The following CCDC85A variants were observed in gnomAD, a reference collection of about 807,000 sequenced individuals.
CCDC85A encodes coiled-coil domain-containing protein 85A.
A neutral mutation model predicts 50.2 loss-of-function variants in CCDC85A; 38 were observed. The ratio of observed to expected loss-of-function variants is 0.76; its 90% CI spans 0.58 to 0.99. The LOEUF is 0.99. CCDC85A is among the 50% of genes least tolerant of loss of function. CCDC85A has a pLI of 0.00. For missense variants in CCDC85A, 820 were observed against 742.0 expected, an observed-to-expected ratio of 1.11 and a Z score of -1.22; for synonymous variants, 366 against 301.4, an observed-to-expected ratio of 1.21 and a Z score of -2.22.
chr2:56,220,686 A>G (rs777460668), intron 2 of CCDC85A, among the ~76,000 whole-genome samples: 1 of 152,074 alleles, frequency 6.6e-6, no homozygotes, highest in Non-Finnish European at 1.5e-5. Context: ...AAGATCAGAC[A>G]TCAGAAATGT....
intron 3 of CCDC85A, among the ~76,000 whole-genome samples, chr2:56,366,380 G>A (rs561090157): frequency 2.0e-5 from 3 of 152,244 alleles, no homozygotes; most frequent in East Asian, 1.9e-4. Flanking sequence ...CCAGCAGTGT[G>A]CAAGGGTTCC....
intron 2 of CCDC85A, among the ~76,000 whole-genome samples, chr2:56,306,236 T>C (rs1286772504): frequency 6.6e-6 from 1 of 152,100 alleles, no homozygotes; most frequent in Admixed American, 6.6e-5. Context: ...TTCAAGCGAT[T>C]CTCCTGCCTC....
chr2:56,205,751 A>G (rs1676934238), intron 2 of CCDC85A, among the ~76,000 whole-genome samples: 2 of 152,200 alleles, frequency 1.3e-5, no homozygotes, highest in Non-Finnish European at 2.9e-5. Context: ...TTTATTCAAC[A>G]AATATTTATT....
At chr2:56,207,790 G>C (rs912381177) in intron 2 of CCDC85A, among the ~76,000 whole-genome samples, 2 of 152,092 alleles carry the variant, frequency 1.3e-5, no homozygotes, top group African/African-American at 2.4e-5. Context: ...AGCTTTTGCT[G>C]TTTTCTACTT....
intron 2 of CCDC85A, among the ~76,000 whole-genome samples, chr2:56,245,013 G>A (rs1669436929): frequency 1.3e-5 from 2 of 152,060 alleles, no homozygotes; most frequent in South Asian, 4.1e-4. Context: ...TTTTGGAGCT[G>A]CAAGCTGTGC....
intron 2 of CCDC85A, among the ~76,000 whole-genome samples, chr2:56,327,948 T>C (rs1673562355): frequency 6.6e-6 from 1 of 152,114 alleles, no homozygotes; most frequent in Admixed American, 6.5e-5. Context: ...CTTTTCATTA[T>C]TAATTCACTT....
intron 3 of CCDC85A, among the ~76,000 whole-genome samples, chr2:56,345,760 T>C (rs1276815820): frequency 6.6e-6 from 1 of 152,234 alleles, no homozygotes; most frequent in African/African-American, 2.4e-5. Flanking sequence ...TACTCTTAGA[T>C]GTTACTGATA....
At chr2:56,358,918 G>A (rs75992859) in intron 3 of CCDC85A, among the ~76,000 whole-genome samples, 1 of 150,748 alleles carries the variant, frequency 6.6e-6, no homozygotes, top group East Asian at 1.9e-4. Flanking sequence ...CCATGTAGCT[G>A]GGATTACAGG....
intron 2 of CCDC85A, among the ~76,000 whole-genome samples, chr2:56,258,089 T>C (rs1008908417): frequency 1.3e-5 from 2 of 152,138 alleles, no homozygotes; most frequent in African/African-American, 2.4e-5. Flanking sequence ...GTACATGATA[T>C]TGAAGGAGTG....
chr2:56,246,491 A>G (rs1669516621), intron 2 of CCDC85A, among the ~76,000 whole-genome samples: 1 of 151,600 alleles, frequency 6.6e-6, no homozygotes, highest in Admixed American at 6.6e-5. Flanking sequence ...TAAAAGTTTT[A>G]TAGTTTTACC....
intron 3 of CCDC85A, among the ~76,000 whole-genome samples, chr2:56,349,704 A>G (rs1674811729): frequency 6.6e-6 from 1 of 152,226 alleles, no homozygotes; most frequent in Non-Finnish European, 1.5e-5. Context: ...CTGATTAAAC[A>G]TATTAGTAGA....
intron 2 of CCDC85A, among the ~76,000 whole-genome samples, chr2:56,307,101 T>A (rs1003259186): frequency 1.4e-4 from 22 of 152,310 alleles, no homozygotes; most frequent in Admixed American, 3.9e-4. Flanking sequence ...TCTAGGGGAT[T>A]ATCTTTATAA....
At chr2:56,266,882 A>T (rs1170369454) in intron 2 of CCDC85A, among the ~76,000 whole-genome samples, 1 of 152,196 alleles carries the variant, frequency 6.6e-6, no homozygotes, top group East Asian at 1.9e-4. Flanking sequence ...GCAGTAAATT[A>T]AGGCTGAAAC....
intron 2 of CCDC85A, among the ~76,000 whole-genome samples, chr2:56,204,022 A>G (rs915608019): frequency 6.6e-6 from 1 of 152,184 alleles, no homozygotes; most frequent in African/African-American, 2.4e-5. Flanking sequence ...CTCTGTGGGC[A>G]AAATAATTTA....
chr2:56,285,724 A>C (rs1202413270), intron 2 of CCDC85A, among the ~76,000 whole-genome samples: 1 of 151,642 alleles, frequency 6.6e-6, no homozygotes, highest in African/African-American at 2.4e-5. Flanking sequence ...TGCATTATGA[A>C]CCCTATACTA....
chr2:56,302,344 A>T (rs1672249119), intron 2 of CCDC85A, among the ~76,000 whole-genome samples: 1 of 152,200 alleles, frequency 6.6e-6, no homozygotes, highest in South Asian at 2.1e-4. Context: ...CGCCTAGGGT[A>T]GTAGAAGGAG....
chr2:56,213,999 G>C (rs745747363), intron 2 of CCDC85A, among the ~76,000 whole-genome samples: 1 of 151,954 alleles, frequency 6.6e-6, no homozygotes, highest in Admixed American at 6.6e-5. Context: ...GACGTGTTCA[G>C]TGAGGCTGGA....
chr2:56,265,219 T>C (rs989389214), intron 2 of CCDC85A, among the ~76,000 whole-genome samples: 2 of 152,178 alleles, frequency 1.3e-5, no homozygotes, highest in African/African-American at 4.8e-5. Context: ...GAAGAAAAGC[T>C]ATCCTTCAGA....
At chr2:56,291,722 C>A (rs1207637339) in intron 2 of CCDC85A, among the ~76,000 whole-genome samples, 2 of 151,222 alleles carry the variant, frequency 1.3e-5, no homozygotes, top group Non-Finnish European at 2.9e-5. Context: ...CACGTAAGGC[C>A]CTGTAGGCTG....
Sources: gnomAD v4.1 joint callset for allele counts (sites outside exome capture counted in the v4.1 genomes callset) on GRCh38, gnomAD v4.1.1 for gene constraint, MANE v1.5 for transcripts, NCBI Gene and HGNC (gene_info 2026-07-23, HGNC 2026-07-21) for gene names.